Variants in HS6ST1 observed in about 807,000 individuals in gnomAD.
HS6ST1 encodes the protein heparan-sulfate 6-O-sulfotransferase 1.
Under a neutral mutation model 25.2 loss-of-function variants are expected in HS6ST1, and 3 were observed. That is an observed-to-expected ratio of 0.12 (90% CI 0.05 to 0.31). The LOEUF is 0.31. Among genes scored for constraint, HS6ST1 ranks in the 10% least tolerant of loss-of-function variants. The probability of loss-of-function intolerance (pLI) is 1.00; values close to 1 mark genes in which losing one functional copy is unlikely to be tolerated. For missense variants in HS6ST1, 310 were observed against 609.6 expected, an observed-to-expected ratio of 0.51 and a Z score of 5.18; for synonymous variants, 204 against 275.1, an observed-to-expected ratio of 0.74 and a Z score of 2.56.
At position 128,304,370 on chromosome 2, in the gene HS6ST1, G is replaced by A. The variant is rs868825922; in HGVS notation, c.527+13667C>T. Reference sequence around the variant, plus strand: ...TCTCCCTGTGTGGGTGCTCCCCAGGGACAGAGATGGTGCATGGTACAGGCC... The same window carrying A: ...TCTCCCTGTGTGGGTGCTCCCCAGGAACAGAGATGGTGCATGGTACAGGCC... On this transcript the variant is annotated intron_variant, in intron 1 of 1. Coordinates refer to ENST00000259241, the MANE Select transcript of HS6ST1 (RefSeq NM_004807.3). 7.2e-5 allele frequency among the ~76,000 whole-genome samples: 11 copies of A among 152,336 alleles called. No homozygotes were observed. In the Middle Eastern group the frequency reaches 0.01, roughly 141 times the overall value.
At chr2:128,280,507 C>T (rs1693769192) in intron 1 of HS6ST1, among the ~76,000 whole-genome samples, 1 of 152,238 alleles carries the variant, frequency 6.6e-6, no homozygotes, top group African/African-American at 2.4e-5. Flanking sequence ...GCACCTGACC[C>T]AGTGCCGCAG....
At chr2:128,276,837 C>T (rs922999687) in intron 1 of HS6ST1, among the ~76,000 whole-genome samples, 5 of 151,966 alleles carry the variant, frequency 3.3e-5, no homozygotes, top group African/African-American at 9.7e-5. Flanking sequence ...AGATTCCAGG[C>T]GTCTTCAGCA....
At chr2:128,292,121 G>A (rs958339400) in intron 1 of HS6ST1, among the ~76,000 whole-genome samples, 7 of 152,180 alleles carry the variant, frequency 4.6e-5, no homozygotes, top group South Asian at 2.1e-4. Context: ...TGAGGCCGGG[G>A]GGGCTGGGCC....
intron 1 of HS6ST1, among the ~76,000 whole-genome samples, chr2:128,298,752 G>GA (rs35533600): frequency 6.6e-6 from 1 of 152,188 alleles, no homozygotes; most frequent in Non-Finnish European, 1.5e-5. Flanking sequence ...TGTACAATGT[G>GA]AATGTACTTC....
chr2:128,276,324 T>C lies in HS6ST1; in HGVS notation c.528-7454A>G, dbSNP rs532751250. Among the ~76,000 whole-genome samples, 25 of 152,228 alleles carry C rather than the reference T, an allele frequency of 1.6e-4. 1 individual carries two copies. In the South Asian group the frequency reaches 5.0e-3, roughly 30 times the overall value. ...AATTTTTTCGTATTTTTAGTAGAGA[T>C]GGGATTTCACCATGTTGGCCAGGCT... On this transcript the variant is annotated intron_variant, in intron 1 of 1. Coordinates refer to ENST00000259241, the MANE Select transcript of HS6ST1 (RefSeq NM_004807.3).
chr2:128,287,989 G>A (rs1440209732), intron 1 of HS6ST1, among the ~76,000 whole-genome samples: 2 of 151,684 alleles, frequency 1.3e-5, no homozygotes, highest in Admixed American at 6.6e-5. Flanking sequence ...ATGCCTGAAC[G>A]CACACACTCA....
At chr2:128,272,402 C>T (rs1199228994) in intron 1 of HS6ST1, among the ~76,000 whole-genome samples, 1 of 152,190 alleles carries the variant, frequency 6.6e-6, no homozygotes, top group Non-Finnish European at 1.5e-5. Context: ...GCGAGAAGAG[C>T]CCAGAGCACC....
At position 128,318,584 on chromosome 2, in the gene HS6ST1, C is replaced by T. The variant is rs1694412554; in HGVS notation, c.-21G>A. On this transcript the variant is annotated 5_prime_UTR_variant, in exon 1 of 2. Transcript: ENST00000259241. This position sits in a 1 kb window ranked among gnomAD's most constrained non-coding sequence, Gnocchi z 5.7. ...CGCATGTGTCACCATCGCCGGGGCC[C>T]GGGCGCGGGGCGCGGGGCCTGGGAG... 7.3e-7 allele frequency: 1 copy of T among 1,375,664 alleles called. No individual in the cohort carries two copies. The highest frequency in any genetic ancestry group is 3.5e-5 in the Admixed American group (1 of 28,940). The allele number at this position is 1,375,664 out of a possible 1,614,324, so 85.2% of individuals were successfully genotyped here. A position where few individuals can be genotyped will look rare whatever the true frequency, so the allele number is the denominator to read the frequency against.
At chr2:128,304,307 C>T (rs1479075316) in intron 1 of HS6ST1, among the ~76,000 whole-genome samples, 3 of 152,202 alleles carry the variant, frequency 2.0e-5, no homozygotes, top group African/African-American at 2.4e-5. Flanking sequence ...CAGCCATGCT[C>T]GTCCTCTTGA....
intron 1 of HS6ST1, among the ~76,000 whole-genome samples, chr2:128,269,194 C>T (rs1004864034): frequency 4.6e-5 from 7 of 152,192 alleles, no homozygotes; most frequent in African/African-American, 1.7e-4. Flanking sequence ...GCCACAGCCG[C>T]CTGAGGCCAG....
At chr2:128,304,758 C>T (rs976267849) in intron 1 of HS6ST1, among the ~76,000 whole-genome samples, 9 of 152,354 alleles carry the variant, frequency 5.9e-5, no homozygotes, top group South Asian at 2.1e-4. Flanking sequence ...ACAGCAGTGT[C>T]GCACAGCAGT....
intron 1 of HS6ST1, among the ~76,000 whole-genome samples, chr2:128,293,123 C>A (rs1451002733): frequency 6.6e-6 from 1 of 152,166 alleles, no homozygotes; most frequent in East Asian, 1.9e-4. Context: ...AAAGGCTGGG[C>A]CTTGCTCTGC....
At chr2:128,314,059 C>T (rs1282211158) in intron 1 of HS6ST1, among the ~76,000 whole-genome samples, 1 of 152,138 alleles carries the variant, frequency 6.6e-6, no homozygotes, top group Non-Finnish European at 1.5e-5. Flanking sequence ...CACAGTGACA[C>T]CCCCAGCCTG....
chr2:128,278,480 G>A (rs1037985038), intron 1 of HS6ST1, among the ~76,000 whole-genome samples: 30 of 152,218 alleles, frequency 2.0e-4, no homozygotes, highest in Non-Finnish European at 7.4e-5. Flanking sequence ...TGCTGGCCCT[G>A]GAGGGAAGGG....
intron 1 of HS6ST1, among the ~76,000 whole-genome samples, chr2:128,284,117 C>G (rs900417428): frequency 6.6e-6 from 1 of 152,126 alleles, no homozygotes; most frequent in Non-Finnish European, 1.5e-5. Context: ...GCCCTGTTCC[C>G]GGGGGCTTTC....
At chr2:128,312,963 T>C (rs186260739) in intron 1 of HS6ST1, among the ~76,000 whole-genome samples, 2 of 152,192 alleles carry the variant, frequency 1.3e-5, no homozygotes, top group East Asian at 3.9e-4. Context: ...CGTGGGAGGC[T>C]GAGGTCGGAC....
rs968860821 is a variant in HS6ST1 at position 128,265,610 on chromosome 2, CTTT to C, written c.*2549_*2551del. ...GAATAACCAAAAAATTTCTTCAACA[CTTT>C]TTTTTAAGAAGAAGCTATAAATAAA... On this transcript the variant is annotated 3_prime_UTR_variant, in exon 2 of 2. Coordinates refer to ENST00000259241, the MANE Select transcript of HS6ST1 (RefSeq NM_004807.3). 6.6e-6 allele frequency: 1 copy of C among 152,092 alleles called. No individual in the cohort carries two copies. Among genetic ancestry groups the C allele is most frequent in the African/African-American group, 2.4e-5 (1 of 41,400 alleles). 9.4% of individuals were successfully genotyped at this position (152,092 alleles called of 1,614,324 possible).
At chr2:128,301,242 C>T (rs1049120252) in intron 1 of HS6ST1, among the ~76,000 whole-genome samples, 1 of 151,838 alleles carries the variant, frequency 6.6e-6, no homozygotes, top group Non-Finnish European at 1.5e-5. Context: ...GCTCTAGCCA[C>T]CCCTCTGTGT....
chr2:128,308,643 A>T (rs1297471765), intron 1 of HS6ST1, among the ~76,000 whole-genome samples: 1 of 152,174 alleles, frequency 6.6e-6, no homozygotes, highest in Non-Finnish European at 1.5e-5. Context: ...CCTTTTGTCA[A>T]ATGGGCACAG....
Sources: gnomAD v4.1 joint callset for allele counts (sites outside exome capture counted in the v4.1 genomes callset) on GRCh38, gnomAD v4.1.1 for gene constraint, Gnocchi (gnomAD v3.1) non-coding constraint, MANE v1.5 for transcripts, NCBI Gene and HGNC (gene_info 2026-07-23, HGNC 2026-07-21) for gene names.